NRG1: variants seen among roughly 807,000 people sequenced by gnomAD.
The protein encoded by NRG1 is pro-neuregulin-1, membrane-bound isoform.
NRG1 carries 18 observed loss-of-function variants against 63.8 expected under a neutral mutation model. The observed-to-expected ratio is 0.28, with a 90% confidence interval of 0.19 to 0.42. The LOEUF is 0.42. Ranked by LOEUF, NRG1 falls within the 10% of genes least tolerant of loss-of-function variation. The pLI, the probability that NRG1 is intolerant of heterozygous loss-of-function variation, is 1.00. For synonymous variants in NRG1, 302 were observed against 301.3 expected (o/e 1.00, Z -0.02); for missense variants, 762 against 814.7 (o/e 0.94, Z 0.79).
chr8:32,011,998 A>T (rs2129962865), intron 1 of NRG1, among the ~76,000 whole-genome samples: 1 of 152,166 alleles, frequency 6.6e-6, no homozygotes, highest in Middle Eastern at 3.4e-3. Flanking sequence ...CTGGGGAAAA[A>T]TTTAATGGGC....
At chr8:32,727,844 T>C in intron 5 of NRG1, 105 bp from the exon 6 acceptor site, 1 of 1,162,300 alleles carries the variant, frequency 8.6e-7, no homozygotes, top group Non-Finnish European at 1.2e-6. Flanking sequence ...TAGTGAAATC[T>C]GTACCTTATA....
intron 1 of NRG1, among the ~76,000 whole-genome samples, chr8:32,280,133 G>A (rs17624997): frequency 0.13 from 19,189 of 152,234 alleles, 1,271 homozygotes; most frequent in Middle Eastern, 0.17. Context: ...ACAAACAAGA[G>A]CATTTGTCTG....
At chr8:32,606,515 C>T (rs144885174) in intron 3 of NRG1, among the ~76,000 whole-genome samples, 254 of 152,070 alleles carry the variant, frequency 1.7e-3, no homozygotes, top group African/African-American at 5.7e-3. Flanking sequence ...TTAAAAGAAC[C>T]ACCCCGATGG....
intron 5 of NRG1, among the ~76,000 whole-genome samples, chr8:32,706,908 T>G (rs1816574092): frequency 1.3e-5 from 2 of 152,126 alleles, no homozygotes; most frequent in Non-Finnish European, 2.9e-5. Flanking sequence ...TAGAAATGAA[T>G]CTTCTTTGCA....
At chr8:31,658,394 G>GTC (rs1379548327) in intron 1 of NRG1, among the ~76,000 whole-genome samples, 2 of 152,156 alleles carry the variant, frequency 1.3e-5, no homozygotes, top group Non-Finnish European at 2.9e-5. Flanking sequence ...AGAATGATGT[G>GTC]TCTCTCTCAG....
At chr8:32,172,604 T>G (rs1033932152) in intron 1 of NRG1, among the ~76,000 whole-genome samples, 1 of 152,084 alleles carries the variant, frequency 6.6e-6, no homozygotes, top group Non-Finnish European at 1.5e-5. Flanking sequence ...AAAAATTAGA[T>G]GAATGGCTAA....
intron 1 of NRG1, among the ~76,000 whole-genome samples, chr8:31,993,619 G>T (rs887371380): frequency 6.6e-6 from 1 of 151,922 alleles, no homozygotes; most frequent in South Asian, 2.1e-4. Context: ...TGAATGTGAG[G>T]CCTCCCCAGC....
At chr8:31,762,578 G>A (rs1399186867) in intron 1 of NRG1, among the ~76,000 whole-genome samples, 1 of 152,142 alleles carries the variant, frequency 6.6e-6, no homozygotes, top group East Asian at 1.9e-4. Flanking sequence ...GGATTGCTGA[G>A]TCAAATGGTA....
chr8:32,515,356 G>A (rs1375665312), intron 1 of NRG1, among the ~76,000 whole-genome samples: 1 of 152,140 alleles, frequency 6.6e-6, no homozygotes, highest in African/African-American at 2.4e-5. Context: ...TTGATGATTA[G>A]TGATGTTGAG....
intron 1 of NRG1, among the ~76,000 whole-genome samples, chr8:32,162,506 A>G (rs1183487912): frequency 6.6e-6 from 1 of 152,226 alleles, no homozygotes; most frequent in East Asian, 1.9e-4. Flanking sequence ...AATGAAAAAT[A>G]AAAACCTCTA....
chr8:31,913,338 G>A (rs1169138691), intron 1 of NRG1, among the ~76,000 whole-genome samples: 1 of 151,960 alleles, frequency 6.6e-6, no homozygotes, highest in Non-Finnish European at 1.5e-5. Flanking sequence ...GAAGGAAAAA[G>A]CATTTATTGA....
chr8:32,759,632 G>T (rs1830337292), intron 10 of NRG1, among the ~76,000 whole-genome samples, 196 bp downstream of exon 10: 1 of 152,162 alleles, frequency 6.6e-6, no homozygotes, highest in Non-Finnish European at 1.5e-5. Flanking sequence ...CAGGGCCGTT[G>T]TTTCCCATTC....
At chr8:32,757,897 C>A (rs777798429) in intron 9 of NRG1, among the ~76,000 whole-genome samples, 4 of 152,108 alleles carry the variant, frequency 2.6e-5, no homozygotes, top group Non-Finnish European at 4.4e-5. Flanking sequence ...TCATTAGATT[C>A]ACTGAGCTTA....
intron 1 of NRG1, among the ~76,000 whole-genome samples, chr8:32,232,808 C>T (rs1847099280): frequency 4.6e-5 from 7 of 152,124 alleles, no homozygotes; most frequent in Admixed American, 4.6e-4. Flanking sequence ...TACATAAAAA[C>T]CTCCATGATA....
At chr8:32,299,999 A>T (rs138817093) in intron 1 of NRG1, among the ~76,000 whole-genome samples, 1 of 152,254 alleles carries the variant, frequency 6.6e-6, no homozygotes, top group Non-Finnish European at 1.5e-5. Context: ...ATCATTTTGG[A>T]TGGAGGAGAA....
At chr8:31,953,618 C>T (rs1204015298) in intron 1 of NRG1, among the ~76,000 whole-genome samples, 1 of 152,178 alleles carries the variant, frequency 6.6e-6, no homozygotes, top group Non-Finnish European at 1.5e-5. Context: ...GAGTAGTTCA[C>T]TGTAAAGGCC....
chr8:32,478,964 T>G (rs1352937747), intron 1 of NRG1, among the ~76,000 whole-genome samples: 2 of 152,248 alleles, frequency 1.3e-5, no homozygotes, highest in African/African-American at 2.4e-5. Flanking sequence ...TGAAAACTGT[T>G]GCATTGAGTT....
intron 1 of NRG1, among the ~76,000 whole-genome samples, chr8:31,783,461 C>T: frequency 6.6e-6 from 1 of 151,992 alleles, no homozygotes; most frequent in East Asian, 1.9e-4. Flanking sequence ...GGAAAGAGAC[C>T]CCAACTGGAA....
At chr8:31,819,616 A>G (rs1823809953) in intron 1 of NRG1, among the ~76,000 whole-genome samples, 1 of 152,226 alleles carries the variant, frequency 6.6e-6, no homozygotes, top group South Asian at 2.1e-4. Flanking sequence ...AAAGGGAATA[A>G]CATTAATGAC....
Sources: allele counts gnomAD v4.1 joint callset (sites outside exome capture counted in the v4.1 genomes callset), GRCh38; gene constraint gnomAD v4.1.1; transcripts MANE v1.5; gene names NCBI Gene and HGNC (gene_info 2026-07-23, HGNC 2026-07-21).